Variants in ZFHX3 observed in about 807,000 individuals in gnomAD.
ZFHX3 encodes zinc finger homeobox protein 3.
ZFHX3 carries 42 observed loss-of-function variants against 279.1 expected under a neutral mutation model. The observed-to-expected ratio is 0.15, with a 90% confidence interval of 0.12 to 0.19. The LOEUF (loss-of-function observed/expected upper bound fraction) is 0.19, where lower values mean the gene tolerates loss of function less well. Among genes scored for constraint, ZFHX3 ranks in the 10% least tolerant of loss-of-function variants. The pLI is 1.00. For missense variants in ZFHX3, 4,981 were observed against 4,754.0 expected (o/e 1.05, Z -1.40); for synonymous variants, 2,293 against 1,957.8 (o/e 1.17, Z -4.52).
At chr16:73,345,461 A>T (rs1208157359) in intron 3 of ZFHX3, among the ~76,000 whole-genome samples, 1 of 133,328 alleles carries the variant, frequency 7.5e-6, no homozygotes, top group Non-Finnish European at 1.5e-5. Flanking sequence ...CTCACTCTTC[A>T]GCTCCTACTT....
At chr16:73,679,500 A>T (rs1046872611) in intron 2 of ZFHX3, 1 of 151,978 alleles carries the variant, frequency 6.6e-6, no homozygotes, top group African/African-American at 2.4e-5. Context: ...TGACATTCAA[A>T]CTCTTCTCTT....
intron 1 of ZFHX3, among the ~76,000 whole-genome samples, chr16:72,982,000 A>G (rs1962623064): frequency 2.0e-5 from 3 of 149,048 alleles, no homozygotes; most frequent in Non-Finnish European, 1.5e-5. Flanking sequence ...CTCCTGCTTC[A>G]GCCTCCTGAG....
chr16:73,110,807 G>C (rs1966363500), intron 7 of ZFHX3, among the ~76,000 whole-genome samples: 1 of 152,148 alleles, frequency 6.6e-6, no homozygotes. Context: ...CACGTGATCT[G>C]CCTGCCTTGG....
rs577505313 is a variant in ZFHX3 at position 73,477,152 on chromosome 16, G to A, written c.-1546-20894C>T. ...TGTAGAAGAATCTGTAAGCCCACCT[G>A]CTACAGATTCACATGTGAATTCATC... On this transcript the variant is annotated intron_variant, in intron 2 of 17. Transcript: ENST00000641206. Among the ~76,000 whole-genome samples the A allele has an allele frequency of 6.6e-5, 10 of 152,314 alleles. No individual in the cohort carries two copies. In the South Asian group the frequency reaches 2.1e-3, roughly 32 times the overall value.
rs759648686 is a variant in ZFHX3, at chr16:72,959,839, G to A, written c.307C>T (p.Arg103Cys). The A allele has an allele frequency of 6.2e-5, 99 of 1,594,152 alleles. No individual in the cohort carries two copies. The highest frequency in any genetic ancestry group is 1.4e-4 in the South Asian group (12 of 88,362). ...TCCTCTCTCAGGGGTGGCGGGGGGC[G>A]CGCGCTGGGGCAGTGGTGCTCCATG... is the stretch of plus-strand genomic sequence containing the variant. ...TYMEHHCPSARPPPPLREESA... is the reference protein window; with the variant it reads ...TYMEHHCPSACPPPPLREESA... Residue 103 changes from arginine (R) to cysteine (C), a missense_variant, in exon 2 of 10, where the codon CGC becomes TGC. Arg to Cys is a radical substitution (Grantham distance 180, BLOSUM62 -3). Around this residue, in one of 7 missense-constraint regions of ZFHX3, gnomAD observed 1,068 missense variants for 935.2 expected, o/e 1.14. Transcript: ENST00000268489.
chr16:73,457,542 G>A (rs765562035), intron 2 of ZFHX3, among the ~76,000 whole-genome samples: 11 of 152,174 alleles, frequency 7.2e-5, no homozygotes, highest in African/African-American at 2.7e-4. Context: ...GGAGGCCGAC[G>A]TGGGTGGATC....
chr16:73,337,899 G>GGT (rs1555510882), intron 3 of ZFHX3, among the ~76,000 whole-genome samples: 1 of 140,482 alleles, frequency 7.1e-6, no homozygotes, highest in Non-Finnish European at 1.6e-5. Flanking sequence ...TGGCGGGGGG[G>GGT]GGGGTCCTCA....
intron 1 of ZFHX3, among the ~76,000 whole-genome samples, chr16:73,793,271 G>GA (rs1297620071): frequency 1.3e-5 from 2 of 152,116 alleles, no homozygotes; most frequent in African/African-American, 2.4e-5. Flanking sequence ...AATTTTGTAG[G>GA]AAAAAAATTT....
At chr16:72,969,719 A>G (rs1009729974) in intron 1 of ZFHX3, among the ~76,000 whole-genome samples, 1 of 152,222 alleles carries the variant, frequency 6.6e-6, no homozygotes, top group African/African-American at 2.4e-5. Context: ...TAATACCTGC[A>G]TCTGTTTAGC....
At chr16:73,390,774 A>G (rs559116165) in intron 3 of ZFHX3, among the ~76,000 whole-genome samples, 1 of 152,080 alleles carries the variant, frequency 6.6e-6, no homozygotes, top group African/African-American at 2.4e-5. Flanking sequence ...CTTTCTTATT[A>G]TTTAAAAATT....
intron 1 of ZFHX3, among the ~76,000 whole-genome samples, chr16:73,721,463 G>C (rs1317789512): frequency 6.6e-6 from 1 of 152,160 alleles, no homozygotes; most frequent in Non-Finnish European, 1.5e-5. Context: ...CCCTGTGTCA[G>C]CTCTTGATTC....
intron 5 of ZFHX3, among the ~76,000 whole-genome samples, chr16:73,234,791 G>C (rs532357073): frequency 6.6e-6 from 1 of 152,240 alleles, no homozygotes; most frequent in African/African-American, 2.4e-5. Context: ...TCTTGACCTT[G>C]TTGGGGTAGG....
In ZFHX3 at chr16:73,870,991, A is replaced by C. The variant is rs1962147627; in HGVS notation, c.-1608+20660T>G. 3.3e-5 allele frequency among the ~76,000 whole-genome samples: 5 copies of C among 152,314 alleles called. No individual in the cohort carries two copies. In the South Asian group the frequency reaches 1.0e-3, roughly 32 times the overall value. ...AAACCAATACCCCTGCTAGACTCTC[A>C]TGACCATATCGTATGTACCAGGGAG... On this transcript the variant is annotated intron_variant, in intron 1 of 17. Coordinates refer to the ZFHX3 transcript ENST00000641206.
At chr16:73,237,504 T>C (rs1345678125) in intron 5 of ZFHX3, among the ~76,000 whole-genome samples, 1 of 150,272 alleles carries the variant, frequency 6.7e-6, no homozygotes, top group Admixed American at 6.7e-5. Flanking sequence ...GCTGGAATTA[T>C]GGGTGTGAGC....
At chr16:72,960,505 C>T (rs1961524579) in intron 1 of ZFHX3, among the ~76,000 whole-genome samples, 1 of 152,138 alleles carries the variant, frequency 6.6e-6, no homozygotes, top group Non-Finnish European at 1.5e-5. Context: ...CCATTCTTTG[C>T]CAGCATAGCT....
intron 4 of ZFHX3, among the ~76,000 whole-genome samples, chr16:72,868,162 T>G (rs531096077): frequency 1.3e-5 from 2 of 152,342 alleles, no homozygotes; most frequent in African/African-American, 4.8e-5. Context: ...TAAATGTAAT[T>G]GGGTGCAAGG....
At position 73,310,065 on chromosome 16, in the gene ZFHX3, C is replaced by T. The variant is rs142999663; in HGVS notation, c.-1194+8175G>A. ...CTGGGATTACAGGTGCCCACCACCA[C>T]GCCTGGCTCATTTTTGTATTTTTAG... On this transcript the variant is annotated intron_variant, in intron 4 of 17. Coordinates refer to the ZFHX3 transcript ENST00000641206. Among the ~76,000 whole-genome samples, 96 of 152,062 alleles carry T rather than the reference C, an allele frequency of 6.3e-4. 2 individuals are homozygous for T. The East Asian group carries it at 0.015, about 24-fold the overall frequency.
chr16:72,953,052 G>T (rs914748403), intron 2 of ZFHX3, among the ~76,000 whole-genome samples: 8 of 151,736 alleles, frequency 5.3e-5, no homozygotes, highest in African/African-American at 1.9e-4. Context: ...TTTTTTTTAT[G>T]ATTTTCTTAT....
chr16:73,711,746 C>G (rs1295613223), intron 1 of ZFHX3, among the ~76,000 whole-genome samples: 1 of 152,232 alleles, frequency 6.6e-6, no homozygotes, highest in African/African-American at 2.4e-5. Flanking sequence ...GAGGGCCTTT[C>G]CCCTCCAAAG....
Sources: gnomAD v4.1 joint callset for allele counts (sites outside exome capture counted in the v4.1 genomes callset) on GRCh38, gnomAD v4.1.1 for gene constraint, gnomAD v4.1.1 regional missense constraint, MANE v1.5 for transcripts, NCBI Gene and HGNC (gene_info 2026-07-23, HGNC 2026-07-21) for gene names.